Variants in SORL1 observed in about 807,000 individuals in gnomAD.
SORL1 encodes sortilin related receptor 1.
SORL1 carries 127 observed loss-of-function variants against 273.7 expected under a neutral mutation model. That is an observed-to-expected ratio of 0.46 (90% CI 0.40 to 0.54). SORL1 has a LOEUF of 0.54. SORL1 is among the 20% of genes least tolerant of loss of function. The pLI is 0.00. For synonymous variants in SORL1, 1,031 were observed against 1,067.4 expected (o/e 0.97, Z 0.66); for missense variants, 2,494 against 2,846.1 (o/e 0.88, Z 2.81).
intron 3 of SORL1, among the ~76,000 whole-genome samples, chr11:121,486,428 C>T (rs1207225180): frequency 2.0e-5 from 3 of 151,900 alleles, no homozygotes; most frequent in Non-Finnish European, 2.9e-5. Flanking sequence ...GGCTTGAGCT[C>T]AGGAGTTTGA....
At position 121,550,987 on chromosome 11, in the gene SORL1, A is replaced by G. The variant is rs765844363; in HGVS notation, c.2266+317A>G. 2.6e-5 allele frequency among the ~76,000 whole-genome samples: 4 copies of G among 152,180 alleles called. No homozygotes were observed. Among genetic ancestry groups the G allele is most frequent in the Non-Finnish European group, 5.9e-5 (4 of 68,028 alleles). On this transcript the variant is annotated intron_variant, in intron 16 of 47. Coordinates refer to ENST00000260197, the MANE Select transcript of SORL1 (RefSeq NM_003105.6). The surrounding 1 kb of genome is among the most constrained non-coding windows in gnomAD (Gnocchi z 5.3). Reference sequence around the variant, plus strand: ...CCCCACAGGCTTTTGTGTGTTCCTTAATCTGTTTGTCAAAGTTGAGTATAA... The same window carrying G: ...CCCCACAGGCTTTTGTGTGTTCCTTGATCTGTTTGTCAAAGTTGAGTATAA...
rs1364490425 is a variant in SORL1, at chr11:121,452,786, T to C, written c.285+170T>C. ...TACAACCGTCAGCACTTGAATCGCA[T>C]TGATCTTTCCTTCTTCCTGTCGATT... On this transcript the variant is annotated intron_variant, in intron 1 of 47. Transcript: ENST00000260197. This position sits in a 1 kb window ranked among gnomAD's most constrained non-coding sequence, Gnocchi z 5.3. 9.2e-6 allele frequency: 5 copies of C among 544,328 alleles called. No homozygotes were observed. The highest frequency in any genetic ancestry group is 4.0e-5 in the African/African-American group (2 of 50,260). The allele number at this position is 544,328 out of a possible 1,614,324, so 33.7% of individuals were successfully genotyped here. A position where few individuals can be genotyped will look rare whatever the true frequency, so the allele number is the denominator to read the frequency against.
chr11:121,456,179 G>T (rs1173831832), intron 1 of SORL1, among the ~76,000 whole-genome samples: 2 of 152,110 alleles, frequency 1.3e-5, no homozygotes, highest in African/African-American at 2.4e-5. Flanking sequence ...TCTTGTCCTT[G>T]CCTGGGAAGC....
At chr11:121,528,617 A>G (rs887329985) in intron 11 of SORL1, among the ~76,000 whole-genome samples, 4 of 152,166 alleles carry the variant, frequency 2.6e-5, no homozygotes, top group Non-Finnish European at 5.9e-5. Context: ...CTTGATTTTT[A>G]TCTTCGAATG....
intron 11 of SORL1, among the ~76,000 whole-genome samples, chr11:121,530,483 G>A (rs187871100): frequency 7.2e-5 from 11 of 152,110 alleles, no homozygotes; most frequent in Middle Eastern, 3.4e-3. Context: ...TCTTGTTTCC[G>A]TGGGTTCTGA....
At chr11:121,460,618 G>A (rs1198094935) in intron 1 of SORL1, among the ~76,000 whole-genome samples, 6 of 151,970 alleles carry the variant, frequency 3.9e-5, no homozygotes, top group African/African-American at 1.5e-4. Flanking sequence ...GGCTGGTCTC[G>A]AACTCCTGAC....
chr11:121,501,756 G>T (rs558137680), intron 6 of SORL1, among the ~76,000 whole-genome samples: 2 of 152,216 alleles, frequency 1.3e-5, no homozygotes, highest in Middle Eastern at 3.4e-3. Context: ...CTCCCACCAG[G>T]TCCCTCCCAT....
chr11:121,463,052 GGGCAA>G (rs1861026769), intron 1 of SORL1, among the ~76,000 whole-genome samples: 1 of 152,134 alleles, frequency 6.6e-6, no homozygotes. Context: ...TCCTCACGTA[GGGCAA>G]GTCCTGGCTT....
Position 121,558,810 on chromosome 11 carries a change from G to A in SORL1, c.2883G>A (p.Pro961=), listed in dbSNP as rs759031383. The A allele has an allele frequency of 3.7e-6, 6 of 1,614,120 alleles. No homozygotes were observed. Among genetic ancestry groups the A allele is most frequent in the East Asian group, 2.2e-5 (1 of 44,882 alleles). The change falls in exon 20 of 48, where the codon CCG becomes CCA. Residue 961 remains proline, a synonymous_variant. Transcript: ENST00000260197. ...QQRSVILDNL[P]HPYAIAVFKN... is the part of the protein sequence containing the mutation. ...GCTCTGTCATTCTGGACAACCTCCC[G>A]CACCCCTATGCCATTGCTGTCTTTA...
chr11:121,517,480 A>G (rs1591308730), intron 8 of SORL1, among the ~76,000 whole-genome samples: 1 of 152,242 alleles, frequency 6.6e-6, no homozygotes, highest in Non-Finnish European at 1.5e-5. Flanking sequence ...ATGAATCACT[A>G]TCCCTCAGAC....
intron 1 of SORL1, chr11:121,453,047 A>G (rs1416974767): frequency 6.2e-6 from 1 of 161,284 alleles, no homozygotes; most frequent in Admixed American, 6.5e-5. Flanking sequence ...CATTATTAGC[A>G]CAATAAAAGT....
intron 31 of SORL1, among the ~76,000 whole-genome samples, chr11:121,591,415 T>C (rs1317756398): frequency 6.6e-6 from 1 of 152,244 alleles, no homozygotes; most frequent in Non-Finnish European, 1.5e-5. Flanking sequence ...TCCTGCAAGA[T>C]GCCAGCCACC....
At chr11:121,576,760 A>T in intron 24 of SORL1, 1 of 1,473,482 alleles carries the variant, frequency 6.8e-7, no homozygotes. Context: ...AGCTCTGCCC[A>T]CAGAAAGTCC....
chr11:121,625,284 T>A lies in SORL1; in HGVS notation c.6364+7T>A. On this transcript the variant is annotated splice_region_variant and intron_variant, in intron 46 of 47. Transcript: ENST00000260197. The stretch of plus-strand genomic sequence containing the variant: ...TACGATGAGCTGGGGTCTGGTGAGT[T>A]GCGATTGCTGCCCGTTTCTGTCTTC... 6.2e-7 allele frequency: 1 copy of A among 1,601,940 alleles called. No homozygotes were observed. The highest frequency in any genetic ancestry group is 8.5e-7 in the Non-Finnish European group (1 of 1,172,818).
chr11:121,632,466 G>A lies in SORL1; in HGVS notation c.*2903G>A, dbSNP rs1863889082. 1 of 151,984 alleles carries A rather than the reference G, an allele frequency of 6.6e-6. No individual in the cohort carries two copies. The highest frequency in any genetic ancestry group is 1.5e-5 in the Non-Finnish European group (1 of 68,024). The allele number at this position is 151,984 out of a possible 1,614,324, so 9.4% of individuals were successfully genotyped here. On this transcript the variant is annotated 3_prime_UTR_variant, in exon 48 of 48. Transcript: ENST00000260197. Reference sequence around the variant, plus strand: ...AAATAGTTATCATTCTGGGTAACTGGTTGAAACTCTGACTTTTGGACAAGT... The same window carrying A: ...AAATAGTTATCATTCTGGGTAACTGATTGAAACTCTGACTTTTGGACAAGT...
At chr11:121,521,064 GAAA>G (rs34516204) in intron 9 of SORL1, among the ~76,000 whole-genome samples, 44 of 141,746 alleles carry the variant, frequency 3.1e-4, no homozygotes, top group Non-Finnish European at 4.6e-4. Flanking sequence ...AAGCAACTCA[GAAA>G]AAAAAAAAAA....
At chr11:121,472,439 T>C (rs745607396) in intron 2 of SORL1, among the ~76,000 whole-genome samples, 3 of 152,182 alleles carry the variant, frequency 2.0e-5, no homozygotes, top group Non-Finnish European at 4.4e-5. Flanking sequence ...ACTCAGCATG[T>C]CAGTGGGAAG....
chr11:121,467,179 G>A (rs1316464996), intron 1 of SORL1, among the ~76,000 whole-genome samples: 2 of 151,860 alleles, frequency 1.3e-5, no homozygotes, highest in Middle Eastern at 3.2e-3. Context: ...ACAGGCACCC[G>A]CCACCACGCC....
In SORL1 at chr11:121,550,070, C is replaced by T; in HGVS notation, c.2162C>T (p.Thr721Ile). 1 of 1,613,470 alleles carries T rather than the reference C, an allele frequency of 6.2e-7. No individual in the cohort carries two copies. The highest frequency in any genetic ancestry group is 8.5e-7 in the Non-Finnish European group (1 of 1,179,638). Residue 721 changes from threonine (T) to isoleucine (I), a missense_variant, in exon 15 of 48, where the codon ACT becomes ATT. This residue lies in a region of SORL1 where 710 missense variants were observed against 882.5 expected (regional missense o/e 0.80). Coordinates refer to ENST00000260197, the MANE Select transcript of SORL1 (RefSeq NM_003105.6). This position sits in a 1 kb window ranked among gnomAD's most constrained non-coding sequence, Gnocchi z 5.3. ...SPPVPCPVGS[T>I]YRRTRGYRKI... ...CCTGTGCCTTGCCCTGTGGGTTCTACTTACAGGAGAACGAGAGGGTATGTA... is the reference window on the plus strand; with the variant it reads ...CCTGTGCCTTGCCCTGTGGGTTCTATTTACAGGAGAACGAGAGGGTATGTA...
Sources: gnomAD v4.1 joint callset for allele counts (sites outside exome capture counted in the v4.1 genomes callset) on GRCh38, gnomAD v4.1.1 for gene constraint, gnomAD v4.1.1 regional missense constraint, Gnocchi (gnomAD v3.1) non-coding constraint, MANE v1.5 for transcripts, NCBI Gene and HGNC (gene_info 2026-07-23, HGNC 2026-07-21) for gene names.